Variants in SPDYE1 observed in about 807,000 individuals in gnomAD.
SPDYE1 encodes speedy/RINGO cell cycle regulator family member E1, also known as speedy protein E1.
SPDYE1 carries 29 observed loss-of-function variants against 45.9 expected under a neutral mutation model. The observed-to-expected ratio is 0.63, with a 90% CI of 0.47 to 0.86. The LOEUF (loss-of-function observed/expected upper bound fraction) is 0.86, where lower values mean the gene tolerates loss of function less well. Ranked by LOEUF, SPDYE1 falls within the 40% of genes least tolerant of loss-of-function variation. The pLI is 0.00. For synonymous variants in SPDYE1, 134 were observed against 176.8 expected, an observed-to-expected ratio of 0.76 and a Z score of 1.92; for missense variants, 346 against 481.4, an observed-to-expected ratio of 0.72 and a Z score of 2.63.
At chr7:44,008,501 T>A (rs1237474216) in intron 8 of SPDYE1, among the ~76,000 whole-genome samples, 166 bp from the exon 9 acceptor site, 1 of 152,188 alleles carries the variant, frequency 6.6e-6, no homozygotes, top group Admixed American at 6.5e-5. Context: ...AGTGTGAGTT[T>A]CACAGTTGAA....
At chr7:43,998,029 A>C (rs1192699045) in intron 1 of SPDYE1, among the ~76,000 whole-genome samples, 70 bp downstream of exon 1, 1 of 152,140 alleles carries the variant, frequency 6.6e-6, no homozygotes, top group Non-Finnish European at 1.5e-5. Context: ...TTCATTCCAC[A>C]AAAGAGAAAT....
Position 44,002,839 on chromosome 7 carries a change from C to A in SPDYE1, c.607+22C>A, listed in dbSNP as rs772142148. On this transcript the variant is annotated intron_variant, in intron 4 of 8. Transcript: ENST00000693451. ...CTTGGTAGGAGGACACCCCAGAGAGCACCTCCAATCCTGTTCTTTCCAAAA... is the reference window on the plus strand; with the variant it reads ...CTTGGTAGGAGGACACCCCAGAGAGAACCTCCAATCCTGTTCTTTCCAAAA... The A allele has an allele frequency of 5.2e-6, 7 of 1,337,406 alleles. No homozygotes were observed. The Admixed American group carries it at 1.3e-4, about 26-fold the overall frequency. 82.8% of individuals were successfully genotyped at this position (1,337,406 alleles called of 1,614,324 possible).
At position 44,001,966 on chromosome 7, in the gene SPDYE1, C is replaced by T. The variant is rs1180889179; in HGVS notation, c.380-624C>T. ...AAAAAAAAAAAAAAAGAAGGAAGGG[C>T]GGGCCCAGAAGTCAGGAAGGAGCAC... is the stretch of plus-strand genomic sequence containing the variant. On this transcript the variant is annotated intron_variant, in intron 3 of 8. Coordinates refer to ENST00000693451, the MANE Select transcript of SPDYE1 (RefSeq NM_001378423.2). 2.0e-5 allele frequency among the ~76,000 whole-genome samples: 3 copies of T among 147,360 alleles called. No homozygotes were observed. In the East Asian group the frequency reaches 5.9e-4, roughly 29 times the overall value.
chr7:44,001,086 C>A lies in SPDYE1; in HGVS notation c.181C>A (p.Pro61Thr). The part of the protein sequence containing the change: ...GPSAPGVDPS[P>T]PCRSLGWKRK... Reference sequence around the variant, plus strand: ...CTCAGCCCCTGGGGTAGATCCCAGCCCCCCATGTAGGTCCCTTGGCTGGAA... The same window carrying A: ...CTCAGCCCCTGGGGTAGATCCCAGCACCCCATGTAGGTCCCTTGGCTGGAA... Residue 61 changes from proline to threonine, a missense_variant, in exon 3 of 9, where the codon CCC (proline) becomes ACC (threonine). Coordinates refer to ENST00000693451, the MANE Select transcript of SPDYE1 (RefSeq NM_001378423.2). 1 of 1,597,594 alleles carries A rather than the reference C, an allele frequency of 6.3e-7. No homozygotes were observed. The highest frequency in any genetic ancestry group is 1.7e-5 in the Admixed American group (1 of 59,890).
At chr7:44,008,404 C>G (rs1489687942) in intron 8 of SPDYE1, among the ~76,000 whole-genome samples, 1 of 152,222 alleles carries the variant, frequency 6.6e-6, no homozygotes, top group Non-Finnish European at 1.5e-5. Flanking sequence ...ACTCCCTGGG[C>G]AGACCCACCC....
chr7:44,006,692 G>A (rs910491821), intron 6 of SPDYE1, among the ~76,000 whole-genome samples: 2 of 152,182 alleles, frequency 1.3e-5, no homozygotes, highest in African/African-American at 4.8e-5. Context: ...TCAACTCACT[G>A]CAACCTCCGC....
Position 44,004,597 on chromosome 7 carries a change from A to G in SPDYE1, c.667-545A>G. Reference sequence around the variant, plus strand: ...GTTGTTCTCGAACTGTTGGGCTCACATGATCCTCCTGTCTCCACCTCTCAA... The same window carrying G: ...GTTGTTCTCGAACTGTTGGGCTCACGTGATCCTCCTGTCTCCACCTCTCAA... On this transcript the variant is annotated intron_variant, in intron 5 of 8. Transcript: ENST00000693451. 1.6e-5 allele frequency: 3 copies of G among 189,866 alleles called. No homozygotes were observed. In the South Asian group the frequency reaches 3.0e-4, roughly 19 times the overall value. The allele number at this position is 189,866 out of a possible 1,614,324, so 11.8% of individuals were successfully genotyped here. A position where few individuals can be genotyped will look rare whatever the true frequency, so the allele number is the denominator to read the frequency against.
At chr7:44,006,891 G>A (rs1372700554) in intron 6 of SPDYE1, among the ~76,000 whole-genome samples, 2 of 152,198 alleles carry the variant, frequency 1.3e-5, no homozygotes, top group Non-Finnish European at 2.9e-5. Context: ...TGGGATTACA[G>A]GCATGAGCCA....
At chr7:44,001,993 TGAG>T (rs1403604988) in intron 3 of SPDYE1, among the ~76,000 whole-genome samples, 2 of 142,220 alleles carry the variant, frequency 1.4e-5, no homozygotes, top group African/African-American at 5.2e-5. Flanking sequence ...AAGGAGCACG[TGAG>T]GAGGGTGTGT....
intron 3 of SPDYE1, among the ~76,000 whole-genome samples, chr7:44,001,933 C>T (rs1329724562): frequency 6.8e-6 from 1 of 146,678 alleles, no homozygotes; most frequent in African/African-American, 2.5e-5. Flanking sequence ...GAGTGAGACG[C>T]TGTCTCAAAA....
intron 6 of SPDYE1, among the ~76,000 whole-genome samples, chr7:44,005,677 CAAAA>C (rs762074535): frequency 5.5e-4 from 51 of 92,588 alleles, no homozygotes; most frequent in Non-Finnish European, 8.5e-4. Flanking sequence ...GACTTTTTCT[CAAAA>C]AAAAAAAAAA....
intron 5 of SPDYE1, chr7:44,004,419 G>A (rs1346182877): frequency 4.6e-6 from 1 of 219,304 alleles, no homozygotes; most frequent in East Asian, 1.2e-4. Context: ...ATGGAGTGCA[G>A]TGGCATGATC....
At position 44,008,978 on chromosome 7, in the gene SPDYE1, G is replaced by T; in HGVS notation, c.*357G>T. 4.6e-6 allele frequency: 2 copies of T among 436,222 alleles called. No individual in the cohort carries two copies. The highest frequency in any genetic ancestry group is 9.0e-6 in the Non-Finnish European group (2 of 222,832). The allele number at this position is 436,222 out of a possible 1,614,324, so 27.0% of individuals were successfully genotyped here. On this transcript the variant is annotated 3_prime_UTR_variant, in exon 9 of 9. Coordinates refer to ENST00000693451, the MANE Select transcript of SPDYE1 (RefSeq NM_001378423.2). The stretch of plus-strand genomic sequence containing the variant: ...CAACCTCCCTGGGGCGGAACCTGGA[G>T]GTCCTGTTTCTTACGGACTTGGTTG...
At chr7:44,007,673 A>C (rs2096073635) in intron 7 of SPDYE1, 36 bp from the exon 8 acceptor site, 1 of 1,611,510 alleles carries the variant, frequency 6.2e-7, no homozygotes, top group Non-Finnish European at 8.5e-7. Context: ...TATCCTGGCG[A>C]GTCCCCGTCT....
chr7:43,999,101 G>A (rs2096059152), intron 1 of SPDYE1, among the ~76,000 whole-genome samples: 2 of 151,962 alleles, frequency 1.3e-5, no homozygotes, highest in South Asian at 4.2e-4. Flanking sequence ...ATAGACTAGA[G>A]TTTCTTAGCC....
chr7:44,007,572 G>C lies in SPDYE1; in HGVS notation c.1057G>C (p.Glu353Gln). The change falls in exon 7 of 9, where the codon GAG (glutamate) becomes CAG (glutamine). Residue 353 changes from glutamate (E) to glutamine (Q), a missense_variant. Coordinates refer to ENST00000693451, the MANE Select transcript of SPDYE1 (RefSeq NM_001378423.2). Reference protein sequence around the residue: ...SMSCRAWVSPEELEEIQAYDP... With the variant: ...SMSCRAWVSPQELEEIQAYDP... ...GAGCTGCAGGGCTTGGGTTTCCCCA[G>C]AGGAGTTGGAGGAGGTGAGTGGGGC... 5.6e-6 allele frequency: 9 copies of C among 1,613,176 alleles called. No homozygotes were observed. The highest frequency in any genetic ancestry group is 7.6e-6 in the Non-Finnish European group (9 of 1,180,040).
At chr7:44,008,229 A>C (rs1458777798) in intron 8 of SPDYE1, among the ~76,000 whole-genome samples, 1 of 152,208 alleles carries the variant, frequency 6.6e-6, no homozygotes, top group African/African-American at 2.4e-5. Context: ...AGAGCATGAG[A>C]CTTCATCATG....
At position 44,008,745 on chromosome 7, in the gene SPDYE1, G is replaced by A. The variant is rs929872712; in HGVS notation, c.*124G>A. ...TAATGGCAGACACCAGGAAGGAGGA[G>A]AGGAACCATTTGTGCAGATCATCTA... is the stretch of plus-strand genomic sequence containing the variant. On this transcript the variant is annotated 3_prime_UTR_variant, in exon 9 of 9. Transcript: ENST00000693451. 2 of 1,207,788 alleles carry A rather than the reference G, an allele frequency of 1.7e-6. No homozygotes were observed. Among genetic ancestry groups the A allele is most frequent in the African/African-American group, 3.2e-5 (2 of 62,586 alleles). The allele number at this position is 1,207,788 out of a possible 1,614,324, so 74.8% of individuals were successfully genotyped here. A position where few individuals can be genotyped will look rare whatever the true frequency, so the allele number is the denominator to read the frequency against.
At chr7:44,004,149 C>G in intron 5 of SPDYE1, 2 of 653,358 alleles carry the variant, frequency 3.1e-6, no homozygotes, top group Non-Finnish European at 5.1e-6. Flanking sequence ...GATTCTCCTG[C>G]CTCAGCCTCC....
Sources: gnomAD v4.1 joint callset for allele counts (sites outside exome capture counted in the v4.1 genomes callset) on GRCh38, gnomAD v4.1.1 for gene constraint, MANE v1.5 for transcripts, NCBI Gene and HGNC (gene_info 2026-07-23, HGNC 2026-07-21) for gene names.